MFHAS1: variants seen among roughly 807,000 people sequenced by gnomAD.
The protein encoded by MFHAS1 is malignant fibrous histiocytoma-amplified sequence 1.
MFHAS1 carries 50 observed loss-of-function variants against 70.4 expected under a neutral mutation model. The ratio of observed to expected loss-of-function variants is 0.71; its 90% confidence interval spans 0.57 to 0.90. The LOEUF is 0.90. MFHAS1 is among the 40% of genes least tolerant of loss of function. MFHAS1 has a pLI of 0.00. For synonymous variants in MFHAS1, 952 were observed against 620.0 expected, an observed-to-expected ratio of 1.54 and a Z score of -7.96; for missense variants, 1,795 against 1,347.6, an observed-to-expected ratio of 1.33 and a Z score of -5.20.
intron 2 of MFHAS1, among the ~76,000 whole-genome samples, chr8:8,791,383 C>T (rs1018609129): frequency 2.0e-5 from 3 of 152,168 alleles, no homozygotes; most frequent in African/African-American, 7.2e-5. Context: ...CAAGGTAAAA[C>T]ATTTTCATAT....
At chr8:8,812,823 G>A (rs1407995346) in intron 1 of MFHAS1, among the ~76,000 whole-genome samples, 1 of 151,956 alleles carries the variant, frequency 6.6e-6, no homozygotes, top group Non-Finnish European at 1.5e-5. Flanking sequence ...TTAGAGTGCA[G>A]TGGAGTGATC....
chr8:8,873,728 G>T (rs73190101), intron 1 of MFHAS1, among the ~76,000 whole-genome samples: 2 of 152,246 alleles, frequency 1.3e-5, no homozygotes, highest in African/African-American at 4.8e-5. Flanking sequence ...CACGCAGCGC[G>T]GGAAGATTTT....
rs776899982 is a variant in MFHAS1, at chr8:8,892,839, C to T, written c.220G>A (p.Gly74Ser). The change falls in exon 1 of 3, where the codon GGC becomes AGC. Residue 74 changes from glycine (G) to serine (S), a missense_variant. By Grantham distance (56) the Gly-to-Ser change is moderately conservative. Transcript: ENST00000276282. The surrounding 1 kb of genome is among the most constrained non-coding windows in gnomAD (Gnocchi z 4.7). Reference protein sequence around the residue: ...DIEALNLGNNGLEEVPEGLGS... With the variant: ...DIEALNLGNNSLEEVPEGLGS... ...AGCCCCTCGGGTACCTCCTCCAGGC[C>T]GTTGTTCCCCAGGTTCAGTGCCTCA... The T allele has an allele frequency of 4.4e-6, 7 of 1,596,508 alleles. No individual in the cohort carries two copies. Among genetic ancestry groups the T allele is most frequent in the Middle Eastern group, 1.7e-4 (1 of 6,022 alleles).
At chr8:8,846,366 A>G (rs867182499) in intron 1 of MFHAS1, among the ~76,000 whole-genome samples, 7,614 of 124,284 alleles carry the variant, frequency 0.061, 944 homozygotes, top group African/African-American at 0.22. Flanking sequence ...GGAGGAGGAG[A>G]AGGAGAAGGA....
In MFHAS1 at chr8:8,892,122, A is replaced by G; in HGVS notation, c.937T>C (p.Ser313Pro). 1 of 1,612,692 alleles carries G rather than the reference A, an allele frequency of 6.2e-7. No individual in the cohort carries two copies. ...LSRNQLTSVP[S>P]LISGLGRLLT... ...AGCCGGCCCAGGCCCGAGATAAGGG[A>G]TGGCACCGAGGTGAGCTGGTTGCGA... Residue 313 changes from serine (S) to proline (P), a missense_variant, in exon 1 of 3, where the codon TCC becomes CCC. Coordinates refer to ENST00000276282, the MANE Select transcript of MFHAS1 (RefSeq NM_004225.3). The surrounding 1 kb of genome is among the most constrained non-coding windows in gnomAD (Gnocchi z 4.7).
chr8:8,866,141 C>G (rs332039), intron 1 of MFHAS1, among the ~76,000 whole-genome samples: 88,186 of 151,926 alleles, frequency 0.58, 27,704 homozygotes, highest in East Asian at 0.85. Flanking sequence ...TACAGAAGAA[C>G]AGGGCCTGGG....
chr8:8,853,756 G>C (rs1808330519), intron 1 of MFHAS1, among the ~76,000 whole-genome samples: 1 of 152,156 alleles, frequency 6.6e-6, no homozygotes, highest in Non-Finnish European at 1.5e-5. Context: ...AGTAGAGACA[G>C]GGTTTCACTA....
intron 1 of MFHAS1, among the ~76,000 whole-genome samples, chr8:8,846,061 T>C (rs551185319): frequency 3.3e-5 from 5 of 151,994 alleles, no homozygotes; most frequent in Non-Finnish European, 7.4e-5. Context: ...GAGACCAGCC[T>C]GGACAACATG....
intron 1 of MFHAS1, among the ~76,000 whole-genome samples, chr8:8,824,689 A>C (rs1047923037): frequency 6.6e-6 from 1 of 152,212 alleles, no homozygotes. Flanking sequence ...ATCATCTCTA[A>C]AAGATAAACC....
At chr8:8,803,093 T>C (rs1037420315) in intron 1 of MFHAS1, among the ~76,000 whole-genome samples, 1 of 152,294 alleles carries the variant, frequency 6.6e-6, no homozygotes, top group East Asian at 1.9e-4. Flanking sequence ...CCCAAAACTG[T>C]AGGGATGTTG....
intron 1 of MFHAS1, among the ~76,000 whole-genome samples, chr8:8,816,158 G>A (rs1806735005): frequency 6.6e-6 from 1 of 152,164 alleles, no homozygotes; most frequent in South Asian, 2.1e-4. Flanking sequence ...GGTGAGGATG[G>A]GAGCCAGGAA....
At chr8:8,802,934 A>G (rs10087633) in intron 1 of MFHAS1, among the ~76,000 whole-genome samples, 53,943 of 152,066 alleles carry the variant, frequency 0.35, 10,962 homozygotes, top group African/African-American at 0.55. Flanking sequence ...AACTTGCAAG[A>G]GACTTACCCA....
At chr8:8,801,291 C>T (rs141160286) in intron 1 of MFHAS1, among the ~76,000 whole-genome samples, 1 of 152,332 alleles carries the variant, frequency 6.6e-6, no homozygotes, top group Non-Finnish European at 1.5e-5. Context: ...GTACCCCAGA[C>T]TGTCCACGTC....
chr8:8,838,939 T>G (rs1510934), intron 1 of MFHAS1, among the ~76,000 whole-genome samples: 61,868 of 152,056 alleles, frequency 0.41, 14,114 homozygotes, highest in East Asian at 0.74. Context: ...CAAAGGCATG[T>G]ACCATTTTAT....
chr8:8,851,137 A>T (rs1322639792), intron 1 of MFHAS1, among the ~76,000 whole-genome samples: 1 of 152,142 alleles, frequency 6.6e-6, no homozygotes. Flanking sequence ...TGAAAAATAC[A>T]TTTTTCTCTT....
At chr8:8,804,930 G>A (rs1312951658) in intron 1 of MFHAS1, among the ~76,000 whole-genome samples, 1 of 152,194 alleles carries the variant, frequency 6.6e-6, no homozygotes, top group Non-Finnish European at 1.5e-5. Flanking sequence ...ATGTTTGCTT[G>A]CTAATTACAT....
At chr8:8,819,187 CTG>C (rs1460687948) in intron 1 of MFHAS1, among the ~76,000 whole-genome samples, 5 of 152,150 alleles carry the variant, frequency 3.3e-5, no homozygotes, top group Non-Finnish European at 4.4e-5. Flanking sequence ...ATACAAAACA[CTG>C]TTTCTATTCT....
intron 1 of MFHAS1, among the ~76,000 whole-genome samples, chr8:8,867,416 C>A (rs1448172057): frequency 6.6e-6 from 1 of 152,036 alleles, no homozygotes; most frequent in Admixed American, 6.6e-5. Flanking sequence ...TAGGTACTTG[C>A]CTATAGGTGT....
Position 8,892,927 on chromosome 8 carries a change from C to T in MFHAS1, c.132G>A (p.Gly44=). ...LTAAGACPGA[G]ADALESPASP... ...AGGCGGGGGACTCGAGCGCGTCGGC[C>T]CCGGCCCCGGGGCAGGCCCCGGCGG... Residue 44 remains glycine (G), a synonymous_variant, in exon 1 of 3, where the codon GGG becomes GGA. Transcript: ENST00000276282. The surrounding 1 kb of genome is among the most constrained non-coding windows in gnomAD (Gnocchi z 4.7). The T allele has an allele frequency of 6.4e-7, 1 of 1,551,426 alleles. No individual in the cohort carries two copies.
Sources: gnomAD v4.1 joint callset for allele counts (sites outside exome capture counted in the v4.1 genomes callset) on GRCh38, gnomAD v4.1.1 for gene constraint, Gnocchi (gnomAD v3.1) non-coding constraint, MANE v1.5 for transcripts, NCBI Gene and HGNC (gene_info 2026-07-23, HGNC 2026-07-21) for gene names.